The following ARHGAP15 variants were observed in gnomAD, a reference collection of about 807,000 sequenced individuals.
ARHGAP15 encodes the protein rho GTPase-activating protein 15.
ARHGAP15 carries 51 observed loss-of-function variants against 63.7 expected under a neutral mutation model. That is an observed-to-expected ratio of 0.80 (90% CI 0.64 to 1.01). ARHGAP15 has a LOEUF of 1.01. ARHGAP15 is among the 50% of genes least tolerant of loss of function. ARHGAP15 has a pLI of 0.00. For missense variants in ARHGAP15, 560 were observed against 564.6 expected (o/e 0.99, Z 0.08); for synonymous variants, 191 against 193.8 (o/e 0.99, Z 0.12).
chr2:143,479,692 A>G (rs35564832), intron 8 of ARHGAP15, among the ~76,000 whole-genome samples: 40,058 of 151,932 alleles, frequency 0.26, 6,111 homozygotes, highest in East Asian at 0.71. Flanking sequence ...AAAATATATA[A>G]TCAATAGAAG....
chr2:143,556,763 A>C (rs1695818038), intron 11 of ARHGAP15, among the ~76,000 whole-genome samples: 2 of 152,088 alleles, frequency 1.3e-5, no homozygotes, highest in Admixed American at 1.3e-4. Flanking sequence ...AAAGAGTAAA[A>C]GAAAAATGAC....
At chr2:143,649,415 C>A (rs1681053165) in intron 12 of ARHGAP15, among the ~76,000 whole-genome samples, 1 of 152,104 alleles carries the variant, frequency 6.6e-6, no homozygotes, top group African/African-American at 2.4e-5. Context: ...CTGACCGTAA[C>A]TGAATTTTCA....
chr2:143,329,170 T>C (rs1271346631), intron 6 of ARHGAP15, among the ~76,000 whole-genome samples: 2 of 152,258 alleles, frequency 1.3e-5, no homozygotes, highest in Non-Finnish European at 2.9e-5. Flanking sequence ...CCTGGTCTTA[T>C]GTCTGTGACT....
chr2:143,702,370 A>C (rs1214299146), intron 12 of ARHGAP15, among the ~76,000 whole-genome samples: 1 of 152,266 alleles, frequency 6.6e-6, no homozygotes, highest in South Asian at 2.1e-4. Flanking sequence ...ACAACTTCCT[A>C]TTTTATAAAA....
At position 143,167,239 on chromosome 2, in the gene ARHGAP15, C is replaced by T. The variant is rs373677854; in HGVS notation, c.165+11584C>T. 1.1e-4 allele frequency among the ~76,000 whole-genome samples: 16 copies of T among 152,206 alleles called. No individual in the cohort carries two copies. The East Asian group carries it at 2.9e-3, about 28-fold the overall frequency. ...TGGTTTGTACATGATCTAATTATAA[C>T]TTGCCAAAGCAGTTTTTATCATTAG... On this transcript the variant is annotated intron_variant, in intron 2 of 13. Transcript: ENST00000295095.
intron 6 of ARHGAP15, among the ~76,000 whole-genome samples, chr2:143,293,044 A>T (rs1193550773): frequency 6.6e-6 from 1 of 152,094 alleles, no homozygotes; most frequent in Non-Finnish European, 1.5e-5. Context: ...AATTTAAATT[A>T]TCTTAGAATT....
chr2:143,145,931 A>G (rs923108752), intron 1 of ARHGAP15, among the ~76,000 whole-genome samples: 1 of 151,310 alleles, frequency 6.6e-6, no homozygotes, highest in African/African-American at 2.4e-5. Context: ...GAATATATAT[A>G]TATCTCACAC....
rs559287900 is a variant in ARHGAP15, at chr2:143,511,740, G to C, written c.827-7526G>C. Among the ~76,000 whole-genome samples, 5 of 152,262 alleles carry C rather than the reference G, an allele frequency of 3.3e-5. No homozygotes were observed. The East Asian group carries it at 5.8e-4, about 18-fold the overall frequency. Reference sequence around the variant, plus strand: ...TTTTTTATACTATTTTAAGATAGAAGTTTCCATGGCTCAAATGGATTTCTA... The same window carrying C: ...TTTTTTATACTATTTTAAGATAGAACTTTCCATGGCTCAAATGGATTTCTA... On this transcript the variant is annotated intron_variant, in intron 9 of 13. Transcript: ENST00000295095.
intron 6 of ARHGAP15, among the ~76,000 whole-genome samples, chr2:143,331,178 A>G (rs1186776286): frequency 6.6e-6 from 1 of 152,118 alleles, no homozygotes; most frequent in Non-Finnish European, 1.5e-5. Flanking sequence ...TAACAAACAT[A>G]TATTTTTCCC....
At chr2:143,257,021 C>T (rs1680460875) in intron 6 of ARHGAP15, among the ~76,000 whole-genome samples, 3 of 151,994 alleles carry the variant, frequency 2.0e-5, no homozygotes, top group Non-Finnish European at 4.4e-5. Flanking sequence ...GTTTAATTTT[C>T]TAAGAAATAA....
chr2:143,184,554 T>G (rs1365223546), intron 2 of ARHGAP15, among the ~76,000 whole-genome samples: 1 of 152,132 alleles, frequency 6.6e-6, no homozygotes, highest in Non-Finnish European at 1.5e-5. Context: ...ACTTTATATA[T>G]TTGAGCATAA....
intron 2 of ARHGAP15, among the ~76,000 whole-genome samples, chr2:143,167,036 A>T (rs543793217): frequency 1.3e-5 from 2 of 152,240 alleles, no homozygotes; most frequent in African/African-American, 4.8e-5. Flanking sequence ...GTGTTAATAT[A>T]TTTGATGTCT....
chr2:143,161,527 G>T (rs754348217), intron 2 of ARHGAP15, among the ~76,000 whole-genome samples: 1 of 151,828 alleles, frequency 6.6e-6, no homozygotes, highest in African/African-American at 2.4e-5. Flanking sequence ...ATGGTAAATT[G>T]TACTTCAGCT....
At chr2:143,539,075 CAG>C (rs1574601446) in intron 10 of ARHGAP15, among the ~76,000 whole-genome samples, 1 of 152,142 alleles carries the variant, frequency 6.6e-6, no homozygotes, top group East Asian at 1.9e-4. Flanking sequence ...TTGGTCTATT[CAG>C]AGATTCAACT....
At chr2:143,294,296 C>T (rs2105129024) in intron 6 of ARHGAP15, among the ~76,000 whole-genome samples, 1 of 152,188 alleles carries the variant, frequency 6.6e-6, no homozygotes, top group Middle Eastern at 3.4e-3. Context: ...GTGCTTCTGA[C>T]ATTTTGACAT....
At chr2:143,703,951 T>A (rs1684208758) in intron 13 of ARHGAP15, 2 of 151,886 alleles carry the variant, frequency 1.3e-5, no homozygotes, top group Non-Finnish European at 2.9e-5. Context: ...CTGTAAAATG[T>A]TGGCTCAGAT....
At chr2:143,607,309 C>T (rs1364161792) in intron 11 of ARHGAP15, among the ~76,000 whole-genome samples, 1 of 152,098 alleles carries the variant, frequency 6.6e-6, no homozygotes, top group Admixed American at 6.6e-5. Context: ...TTTCATAACA[C>T]TTATCTTTTG....
intron 13 of ARHGAP15, among the ~76,000 whole-genome samples, chr2:143,749,864 AG>A: frequency 6.6e-6 from 1 of 152,330 alleles, no homozygotes; most frequent in Non-Finnish European, 1.5e-5. Flanking sequence ...AAAGGGCTAG[AG>A]TTGAGTCCCT....
intron 8 of ARHGAP15, chr2:143,472,148 G>A (rs1691607053): frequency 6.6e-6 from 1 of 152,028 alleles, no homozygotes; most frequent in African/African-American, 2.4e-5. Context: ...ATGCAATTCT[G>A]ATCATTATCA....
Sources: gnomAD v4.1 joint callset for allele counts (sites outside exome capture counted in the v4.1 genomes callset) on GRCh38, gnomAD v4.1.1 for gene constraint, MANE v1.5 for transcripts, NCBI Gene and HGNC (gene_info 2026-07-23, HGNC 2026-07-21) for gene names.